Variants in JPH2 observed in about 807,000 individuals in gnomAD.
JPH2 encodes junctophilin 2, also known as junctophilin-2.
In JPH2, 38 loss-of-function variants were observed where a neutral mutation model predicts 55.9. The ratio of observed to expected loss-of-function variants is 0.68; its 90% CI spans 0.52 to 0.89. The LOEUF (loss-of-function observed/expected upper bound fraction) is 0.89. Among genes scored for constraint, JPH2 ranks in the 40% least tolerant of loss-of-function variants. The pLI is 0.00. For synonymous variants in JPH2, 480 were observed against 472.4 expected, an observed-to-expected ratio of 1.02 and a Z score of -0.21; for missense variants, 964 against 1,037.6, an observed-to-expected ratio of 0.93 and a Z score of 0.97.
Position 44,107,777 on chromosome 20 carries a change from G to A in JPH2, c.*5741C>T, listed in dbSNP as rs1261474257. 6.6e-6 allele frequency among the ~76,000 whole-genome samples: 1 copy of A among 152,204 alleles called. No individual in the cohort carries two copies. Among genetic ancestry groups the A allele is most frequent in the Non-Finnish European group, 1.5e-5 (1 of 68,032 alleles). ...GAACTCAGTCTAGTGGAGAAGCTGTGGATAGGAAGAGATACAGGGTTGTGT... is the reference window on the plus strand; with the variant it reads ...GAACTCAGTCTAGTGGAGAAGCTGTAGATAGGAAGAGATACAGGGTTGTGT... On this transcript the variant is annotated 3_prime_UTR_variant, in exon 6 of 6. Transcript: ENST00000372980.
At chr20:44,167,018 A>G (rs2072660899) in intron 1 of JPH2, among the ~76,000 whole-genome samples, 1 of 152,108 alleles carries the variant, frequency 6.6e-6, no homozygotes, top group African/African-American at 2.4e-5. Flanking sequence ...GGGCCTTTGC[A>G]CAAGCTTTCC....
At chr20:44,114,561 AGTAAGTGTGTGT>A (rs1396808311) in intron 5 of JPH2, among the ~76,000 whole-genome samples, 3 of 132,296 alleles carry the variant, frequency 2.3e-5, no homozygotes, top group Non-Finnish European at 3.2e-5. Flanking sequence ...AAGCTAATGA[AGTAAGTGTGTGT>A]GTGTGTGTGT....
At chr20:44,138,857 TA>T (rs1453589693) in intron 2 of JPH2, among the ~76,000 whole-genome samples, 1 of 152,212 alleles carries the variant, frequency 6.6e-6, no homozygotes, top group Non-Finnish European at 1.5e-5. Flanking sequence ...TTAAGAAAGT[TA>T]AAATGTTTTT....
chr20:44,134,618 A>AATATATATTTATTATAAATATATAAAT, intron 2 of JPH2, among the ~76,000 whole-genome samples: 1 of 37,598 alleles, frequency 2.7e-5, no homozygotes, highest in Non-Finnish European at 4.3e-5. Flanking sequence ...TAAATATAAT[A>AATATATATTTATTATAAATATATAAAT]AATATATATT....
In JPH2 at chr20:44,107,643, C is replaced by A. The variant is rs1351083481; in HGVS notation, c.*5875G>T. 6.6e-6 allele frequency among the ~76,000 whole-genome samples: 1 copy of A among 152,192 alleles called. No homozygotes were observed. Among genetic ancestry groups the A allele is most frequent in the Non-Finnish European group, 1.5e-5 (1 of 68,032 alleles). On this transcript the variant is annotated 3_prime_UTR_variant, in exon 6 of 6. Coordinates refer to ENST00000372980, the MANE Select transcript of JPH2 (RefSeq NM_020433.5). ...TGAGGGACAGCTATTCTATGACAAA[C>A]TTATATGGTGTATAGCAATTATAAA...
intron 1 of JPH2, among the ~76,000 whole-genome samples, chr20:44,168,460 A>G (rs1190995177): frequency 6.6e-6 from 1 of 152,254 alleles, no homozygotes; most frequent in Non-Finnish European, 1.5e-5. Context: ...TAAGTTACAT[A>G]CATAGTTCAT....
intron 2 of JPH2, among the ~76,000 whole-genome samples, chr20:44,135,067 A>C (rs1317485105): frequency 3.3e-5 from 5 of 150,236 alleles, no homozygotes; most frequent in African/African-American, 1.2e-4. Context: ...ACAAACCAGT[A>C]TAGACTATTT....
intron 2 of JPH2, among the ~76,000 whole-genome samples, chr20:44,140,204 C>T (rs2072445508): frequency 2.0e-5 from 3 of 152,084 alleles, no homozygotes; most frequent in Non-Finnish European, 2.9e-5. Flanking sequence ...AGGAAAACAC[C>T]AGTAGGGCCT....
At chr20:44,114,529 G>A (rs1296559789) in intron 5 of JPH2, among the ~76,000 whole-genome samples, 2 of 152,014 alleles carry the variant, frequency 1.3e-5, no homozygotes, top group Non-Finnish European at 2.9e-5. Flanking sequence ...ACCTGACAGA[G>A]AGCAGGTGCT....
At chr20:44,134,717 A>AATAT (rs1466527269) in intron 2 of JPH2, among the ~76,000 whole-genome samples, 3 of 67,756 alleles carry the variant, frequency 4.4e-5, no homozygotes, top group African/African-American at 2.4e-4. Flanking sequence ...ATATATTATA[A>AATAT]ATATATATTT....
chr20:44,134,897 T>TAA (rs2072396741), intron 2 of JPH2, among the ~76,000 whole-genome samples: 3 of 37,402 alleles, frequency 8.0e-5, no homozygotes, highest in Admixed American at 5.0e-4. Flanking sequence ...TTAATATATA[T>TAA]TTATATATAT....
chr20:44,170,974 G>A (rs923262580), intron 1 of JPH2, among the ~76,000 whole-genome samples: 3 of 151,994 alleles, frequency 2.0e-5, no homozygotes, highest in Non-Finnish European at 1.5e-5. Flanking sequence ...TTTCTCCCTC[G>A]ATGATGACAG....
At chr20:44,182,605 G>T (rs974332447) in intron 1 of JPH2, among the ~76,000 whole-genome samples, 1 of 152,200 alleles carries the variant, frequency 6.6e-6, no homozygotes, top group African/African-American at 2.4e-5. Flanking sequence ...CTGCCTCGGG[G>T]CCTTTGCAAC....
chr20:44,182,564 T>A (rs1436169818), intron 1 of JPH2, among the ~76,000 whole-genome samples: 1 of 152,198 alleles, frequency 6.6e-6, no homozygotes, highest in Non-Finnish European at 1.5e-5. Flanking sequence ...TCTGGCATTC[T>A]TGCTGTTCTT....
At chr20:44,113,534 G>A (rs542868150) in intron 5 of JPH2, 31 bp from the exon 6 acceptor site, 3 of 152,562 alleles carry the variant, frequency 2.0e-5, no homozygotes, top group South Asian at 4.1e-4. Flanking sequence ...GGTCAGGCAA[G>A]GGAGGGAGGG....
At chr20:44,124,443 C>A (rs759057598) in intron 2 of JPH2, among the ~76,000 whole-genome samples, 3 of 152,102 alleles carry the variant, frequency 2.0e-5, no homozygotes, top group South Asian at 2.1e-4. Context: ...TCATTTAATA[C>A]AACTTTATGG....
At chr20:44,176,317 T>TA (rs1447848529) in intron 1 of JPH2, among the ~76,000 whole-genome samples, 1,440 of 117,202 alleles carry the variant, frequency 0.012, 8 homozygotes, top group South Asian at 0.024. Flanking sequence ...ATCCTATCTG[T>TA]CTTTTTTTTT....
intron 2 of JPH2, among the ~76,000 whole-genome samples, chr20:44,122,081 A>G (rs1047627883): frequency 6.6e-6 from 1 of 152,210 alleles, no homozygotes; most frequent in African/African-American, 2.4e-5. Flanking sequence ...TGGGATCTAG[A>G]GTCTGTATCC....
At chr20:44,118,702 A>G (rs2072212667) in intron 2 of JPH2, 79 bp from the exon 3 acceptor site, 10 of 1,131,532 alleles carry the variant, frequency 8.8e-6, no homozygotes, top group Non-Finnish European at 1.3e-5. Flanking sequence ...ACCCACAAAG[A>G]GACATGCTAA....
Sources: allele counts gnomAD v4.1 joint callset (sites outside exome capture counted in the v4.1 genomes callset), GRCh38; gene constraint gnomAD v4.1.1; transcripts MANE v1.5; gene names NCBI Gene and HGNC (gene_info 2026-07-23, HGNC 2026-07-21).